The following PTPRG variants were observed in gnomAD, a reference collection of about 807,000 sequenced individuals.
PTPRG encodes the protein receptor-type tyrosine-protein phosphatase gamma.
A neutral mutation model predicts 165.3 loss-of-function variants in PTPRG; 102 were observed. The ratio of observed to expected loss-of-function variants is 0.62; its 90% CI spans 0.53 to 0.73. The LOEUF is 0.73. Among genes scored for constraint, PTPRG ranks in the 30% least tolerant of loss-of-function variants. PTPRG has a pLI of 0.00. For synonymous variants in PTPRG, 675 were observed against 669.5 expected (o/e 1.01, Z -0.13); for missense variants, 1,866 against 1,861.4 (o/e 1.00, Z -0.05).
chr3:61,590,403 A>G (rs1650958159), intron 1 of PTPRG, among the ~76,000 whole-genome samples: 1 of 152,114 alleles, frequency 6.6e-6, no homozygotes, highest in South Asian at 2.1e-4. Context: ...ACGCACCTGT[A>G]ACCACAGCTA....
chr3:61,863,475 C>T (rs940891284), intron 2 of PTPRG, among the ~76,000 whole-genome samples: 1 of 152,200 alleles, frequency 6.6e-6, no homozygotes, highest in African/African-American at 2.4e-5. Flanking sequence ...AGAATGTGTG[C>T]GTAGCTGCAG....
chr3:61,888,223 C>G (rs983752563), intron 2 of PTPRG, among the ~76,000 whole-genome samples: 21 of 149,570 alleles, frequency 1.4e-4, no homozygotes, highest in Non-Finnish European at 2.5e-4. Flanking sequence ...GTGTGTGTGT[C>G]TGTCTGTCCG....
At chr3:62,284,516 ATAAGT>A (rs1702565603) in intron 28 of PTPRG, among the ~76,000 whole-genome samples, 1 of 152,132 alleles carries the variant, frequency 6.6e-6, no homozygotes, top group Non-Finnish European at 1.5e-5. Flanking sequence ...TCTGTAGGGG[ATAAGT>A]TAATTCCATT....
intron 1 of PTPRG, among the ~76,000 whole-genome samples, chr3:61,590,276 C>T (rs1477608297): frequency 6.6e-6 from 1 of 151,024 alleles, no homozygotes; most frequent in Admixed American, 6.6e-5. Flanking sequence ...AATCCCAGCA[C>T]TTTGGGAGGC....
intron 1 of PTPRG, among the ~76,000 whole-genome samples, chr3:61,563,049 A>T (rs1192299215): frequency 1.3e-5 from 2 of 151,380 alleles, no homozygotes; most frequent in Non-Finnish European, 2.9e-5. Context: ...TTTCGGAGAG[A>T]TCCGTGTCTC....
intron 2 of PTPRG, among the ~76,000 whole-genome samples, chr3:61,863,217 G>T (rs1000192162): frequency 2.0e-5 from 3 of 152,200 alleles, no homozygotes; most frequent in East Asian, 1.9e-4. Context: ...GCAGTGGATT[G>T]TCTTGGACTG....
chr3:62,246,135 T>C (rs1324156275), intron 15 of PTPRG, among the ~76,000 whole-genome samples: 2 of 152,218 alleles, frequency 1.3e-5, no homozygotes, highest in African/African-American at 2.4e-5. Flanking sequence ...AGAAGACTGC[T>C]TCACATTCTC....
At chr3:61,748,401 C>T (rs2106913031) in intron 1 of PTPRG, among the ~76,000 whole-genome samples, 1 of 152,306 alleles carries the variant, frequency 6.6e-6, no homozygotes, top group Admixed American at 6.5e-5. Flanking sequence ...ATGACCCTGG[C>T]TCTGTAAAGA....
At chr3:62,293,105 T>C in intron 29 of PTPRG, 56 bp from the exon 30 acceptor site, 2 of 1,392,372 alleles carry the variant, frequency 1.4e-6, no homozygotes, top group Non-Finnish European at 9.6e-7. Flanking sequence ...ATTTCCACCT[T>C]ATGTGAAATC....
intron 28 of PTPRG, among the ~76,000 whole-genome samples, chr3:62,291,867 T>G (rs766758187): frequency 2.8e-4 from 43 of 152,320 alleles, no homozygotes; most frequent in South Asian, 1.7e-3. Flanking sequence ...TTCCAAGGAT[T>G]TCATAGAAAG....
intron 2 of PTPRG, among the ~76,000 whole-genome samples, chr3:61,975,307 G>A (rs1214030610): frequency 6.6e-6 from 1 of 152,176 alleles, no homozygotes; most frequent in Non-Finnish European, 1.5e-5. Flanking sequence ...GGCCTACAGT[G>A]AATTTGAGAA....
intron 13 of PTPRG, among the ~76,000 whole-genome samples, chr3:62,226,030 C>T (rs901095199): frequency 1.3e-5 from 2 of 152,162 alleles, no homozygotes; most frequent in Non-Finnish European, 2.9e-5. Context: ...AATTAGTATA[C>T]GAATCCTGGG....
intron 2 of PTPRG, among the ~76,000 whole-genome samples, chr3:61,864,520 G>T (rs62243201): frequency 0.12 from 18,035 of 152,164 alleles, 1,647 homozygotes; most frequent in East Asian, 0.48. Flanking sequence ...GCAAATCCCA[G>T]GGGGATTAGG....
intron 5 of PTPRG, among the ~76,000 whole-genome samples, chr3:62,108,731 C>T (rs1702561877): frequency 6.6e-6 from 1 of 152,028 alleles, no homozygotes; most frequent in African/African-American, 2.4e-5. Context: ...TGTAATGATC[C>T]CCATTCTAAC....
intron 15 of PTPRG, among the ~76,000 whole-genome samples, chr3:62,244,906 TAG>T (rs1292328345): frequency 2.0e-5 from 3 of 152,168 alleles, no homozygotes; most frequent in Admixed American, 6.5e-5. Flanking sequence ...AACTCAGAGG[TAG>T]AGTCATTCTT....
chr3:61,954,414 C>T (rs906774176), intron 2 of PTPRG, among the ~76,000 whole-genome samples: 1 of 152,148 alleles, frequency 6.6e-6, no homozygotes, highest in African/African-American at 2.4e-5. Flanking sequence ...GGTGTTGAAA[C>T]ACAGGATCTC....
At chr3:62,085,258 G>A (rs375165630) in intron 5 of PTPRG, among the ~76,000 whole-genome samples, 4 of 152,158 alleles carry the variant, frequency 2.6e-5, no homozygotes, top group Admixed American at 6.5e-5. Context: ...CTGTGTAAGC[G>A]TCACCCAAAA....
intron 1 of PTPRG, among the ~76,000 whole-genome samples, chr3:61,700,610 T>A (rs1413477343): frequency 6.6e-6 from 1 of 152,206 alleles, no homozygotes; most frequent in Non-Finnish European, 1.5e-5. Context: ...TGAGTATGTA[T>A]TTGGAAGATG....
intron 1 of PTPRG, among the ~76,000 whole-genome samples, chr3:61,733,273 T>C (rs980895647): frequency 6.6e-6 from 1 of 152,206 alleles, no homozygotes; most frequent in Non-Finnish European, 1.5e-5. Flanking sequence ...ATCTTCATGA[T>C]TCATTTCTAT....
Sources: allele counts gnomAD v4.1 joint callset (sites outside exome capture counted in the v4.1 genomes callset), GRCh38; gene constraint gnomAD v4.1.1; transcripts MANE v1.5; gene names NCBI Gene and HGNC (gene_info 2026-07-23, HGNC 2026-07-21).